The following VWC2L variants were observed in gnomAD, a reference collection of about 807,000 sequenced individuals.
VWC2L encodes the protein von Willebrand factor C domain-containing protein 2-like.
In VWC2L, 10 loss-of-function variants were observed where a neutral mutation model predicts 21.6. That is an observed-to-expected ratio of 0.46 (90% CI 0.29 to 0.78). VWC2L has a LOEUF of 0.78. Among genes scored for constraint, VWC2L ranks in the 30% least tolerant of loss-of-function variants. VWC2L has a pLI of 0.10. For missense variants in VWC2L, 209 were observed against 277.1 expected (o/e 0.75, Z 1.74); for synonymous variants, 96 against 94.3 (o/e 1.02, Z -0.10).
At chr2:214,421,436 T>C (rs1702437825) in intron 2 of VWC2L, among the ~76,000 whole-genome samples, 1 of 152,174 alleles carries the variant, frequency 6.6e-6, no homozygotes, top group African/African-American at 2.4e-5. Flanking sequence ...TAGGAGTAGT[T>C]TTTCATACTC....
intron 3 of VWC2L, among the ~76,000 whole-genome samples, chr2:214,565,838 G>A (rs1054819382): frequency 6.6e-6 from 1 of 152,072 alleles, no homozygotes; most frequent in African/African-American, 2.4e-5. Context: ...TGTAAAGTAC[G>A]TTCTCTTATC....
chr2:214,428,373 C>T (rs1018016201), intron 2 of VWC2L, among the ~76,000 whole-genome samples: 25 of 152,114 alleles, frequency 1.6e-4, no homozygotes, highest in African/African-American at 6.0e-4. Flanking sequence ...TGCAAATGTG[C>T]TTATTTCACA....
intron 3 of VWC2L, among the ~76,000 whole-genome samples, chr2:214,468,687 T>C (rs1703260806): frequency 6.6e-6 from 1 of 151,660 alleles, no homozygotes; most frequent in Non-Finnish European, 1.5e-5. Flanking sequence ...TGCCAAATGC[T>C]GAGAATTAGA....
At chr2:214,463,495 G>T (rs1211720779) in intron 3 of VWC2L, among the ~76,000 whole-genome samples, 2 of 151,734 alleles carry the variant, frequency 1.3e-5, no homozygotes, top group Non-Finnish European at 2.9e-5. Context: ...CATATAGTTG[G>T]GTCTTTCTTT....
At chr2:214,546,617 T>G (rs1156989972) in intron 3 of VWC2L, among the ~76,000 whole-genome samples, 1 of 152,160 alleles carries the variant, frequency 6.6e-6, no homozygotes, top group Non-Finnish European at 1.5e-5. Context: ...AGAAAACACA[T>G]GTATTGTTCA....
intron 3 of VWC2L, among the ~76,000 whole-genome samples, chr2:214,553,481 G>A (rs1379836859): frequency 1.3e-5 from 2 of 152,182 alleles, no homozygotes; most frequent in Non-Finnish European, 2.9e-5. Context: ...TTTCTGATTG[G>A]CAGTTGGTTG....
intron 3 of VWC2L, among the ~76,000 whole-genome samples, chr2:214,512,888 C>T (rs548836166): frequency 2.0e-5 from 3 of 152,216 alleles, no homozygotes; most frequent in South Asian, 2.1e-4. Context: ...AAGTAAAATA[C>T]GTGCTAAGAA....
At chr2:214,551,118 G>C (rs1250444723) in intron 3 of VWC2L, among the ~76,000 whole-genome samples, 1 of 152,180 alleles carries the variant, frequency 6.6e-6, no homozygotes, top group Non-Finnish European at 1.5e-5. Flanking sequence ...AAAAGAAAAA[G>C]ATAGTTAAAT....
At chr2:214,501,715 CTG>C (rs1688894193) in intron 3 of VWC2L, among the ~76,000 whole-genome samples, 2 of 139,456 alleles carry the variant, frequency 1.4e-5, no homozygotes, top group Non-Finnish European at 3.0e-5. Context: ...GAGCAAGACT[CTG>C]TCTCAAAAAA....
intron 3 of VWC2L, among the ~76,000 whole-genome samples, chr2:214,453,957 G>A (rs1459604956): frequency 1.3e-5 from 2 of 152,020 alleles, no homozygotes; most frequent in African/African-American, 4.8e-5. Flanking sequence ...CTGAGCTCAG[G>A]CAGTCCACCC....
rs553020720 is a variant in VWC2L, at chr2:214,556,193, G to C, written c.521-19479G>C. Among the ~76,000 whole-genome samples the C allele has an allele frequency of 4.6e-5, 7 of 152,304 alleles. No individual in the cohort carries two copies. The East Asian group carries it at 1.4e-3, about 29-fold the overall frequency. On this transcript the variant is annotated intron_variant, in intron 3 of 3. Transcript: ENST00000312504. ...GAGAATCACTTGAACTTGGGACACG[G>C]AGGTTGCAATGAACCGAGACTGTGC...
At chr2:214,534,202 C>T (rs1689487707) in intron 3 of VWC2L, 2 of 152,562 alleles carry the variant, frequency 1.3e-5, no homozygotes, top group South Asian at 4.1e-4. Flanking sequence ...AGAGCCAACA[C>T]ATCACTCACT....
intron 3 of VWC2L, among the ~76,000 whole-genome samples, chr2:214,554,431 A>C: frequency 6.6e-6 from 1 of 152,118 alleles, no homozygotes. Flanking sequence ...TTGGGGGCCG[A>C]GGCGGGTGGA....
intron 3 of VWC2L, among the ~76,000 whole-genome samples, chr2:214,546,741 C>T (rs1559326673): frequency 6.6e-6 from 1 of 152,030 alleles, no homozygotes; most frequent in Non-Finnish European, 1.5e-5. Flanking sequence ...TTTTAGCAAA[C>T]ACCAAGAACA....
chr2:214,526,464 T>C (rs1689339403), intron 3 of VWC2L, among the ~76,000 whole-genome samples: 1 of 152,166 alleles, frequency 6.6e-6, no homozygotes, highest in Admixed American at 6.5e-5. Context: ...AGTGACACAA[T>C]TACAACCTGA....
chr2:214,516,269 T>C (rs553651236), intron 3 of VWC2L, among the ~76,000 whole-genome samples: 1 of 150,698 alleles, frequency 6.6e-6, no homozygotes, highest in East Asian at 2.0e-4. Context: ...AGGAGTCAGC[T>C]CATAAATGAT....
intron 3 of VWC2L, among the ~76,000 whole-genome samples, chr2:214,464,323 A>G (rs1703185018): frequency 6.6e-6 from 1 of 152,032 alleles, no homozygotes; most frequent in South Asian, 2.1e-4. Context: ...TTCAAAGGGA[A>G]TTGTGGTTAC....
intron 3 of VWC2L, among the ~76,000 whole-genome samples, chr2:214,457,935 A>G (rs1703080559): frequency 6.6e-6 from 1 of 151,878 alleles, no homozygotes; most frequent in South Asian, 2.1e-4. Context: ...TCTTTCTTCT[A>G]TTGTTTCCTT....
intron 3 of VWC2L, among the ~76,000 whole-genome samples, chr2:214,483,772 G>A (rs1326740868): frequency 6.6e-6 from 1 of 152,104 alleles, no homozygotes; most frequent in African/African-American, 2.4e-5. Flanking sequence ...GGCAGAGGTG[G>A]GATACTTGGG....
Sources: gnomAD v4.1 joint callset for allele counts (sites outside exome capture counted in the v4.1 genomes callset) on GRCh38, gnomAD v4.1.1 for gene constraint, MANE v1.5 for transcripts, NCBI Gene and HGNC (gene_info 2026-07-23, HGNC 2026-07-21) for gene names.